Variants in AASDH observed in about 807,000 individuals in gnomAD.
AASDH encodes beta-alanine-activating enzyme.
AASDH carries 81 observed loss-of-function variants against 102.3 expected under a neutral mutation model. The observed-to-expected ratio is 0.79, with a 90% confidence interval of 0.66 to 0.95. The LOEUF (loss-of-function observed/expected upper bound fraction) is 0.95. AASDH is among the 40% of genes least tolerant of loss of function. The pLI, the probability that AASDH is intolerant of heterozygous loss-of-function variation, is 0.00. For synonymous variants in AASDH, 398 were observed against 454.0 expected, an observed-to-expected ratio of 0.88 and a Z score of 1.57; for missense variants, 1,203 against 1,266.2, an observed-to-expected ratio of 0.95 and a Z score of 0.76.
At chr4:56,382,411 G>T in intron 3 of AASDH, 66 bp downstream of exon 3, 1 of 1,416,062 alleles carries the variant, frequency 7.1e-7, no homozygotes, top group East Asian at 2.5e-5. Flanking sequence ...GATGGGAGAA[G>T]GAAGGAATGT....
intron 4 of AASDH, among the ~76,000 whole-genome samples, chr4:56,375,626 C>G (rs1251842836): frequency 6.6e-6 from 1 of 152,174 alleles, no homozygotes; most frequent in Admixed American, 6.5e-5. Flanking sequence ...ATTCTTACCA[C>G]TGCTGGGCCA....
intron 4 of AASDH, among the ~76,000 whole-genome samples, chr4:56,376,873 C>T (rs1361921420): frequency 1.3e-5 from 2 of 151,526 alleles, no homozygotes; most frequent in African/African-American, 4.8e-5. Flanking sequence ...CGAGACCATC[C>T]CGGCTAAAAC....
rs879167447 is a variant in AASDH, at chr4:56,351,403, T to G, written c.1631A>C (p.Lys544Thr). ...NKIYLNYINL[K>T]SENKLSGKED... ...TTTCCCACTGAGCTTATTCTCAGAC[T>G]TCAAGTTTATGTAGTTTAAATATAT... The change falls in exon 10 of 15, where the codon AAG becomes ACG. Residue 544 changes from lysine to threonine, a missense_variant. By Grantham distance (78) the Lys-to-Thr change is moderately conservative. Transcript: ENST00000205214. The G allele has an allele frequency of 4.4e-6, 7 of 1,606,050 alleles. No homozygotes were observed. Among genetic ancestry groups the G allele is most frequent in the Non-Finnish European group, 6.0e-6 (7 of 1,174,522 alleles).
rs763902641 is a variant in AASDH at position 56,384,278 on chromosome 4, G to C, written c.22C>G (p.His8Asp). Residue 8 changes from histidine to aspartate, a missense_variant, in exon 2 of 15, where the codon CAT (histidine) becomes GAT (aspartate). By Grantham distance (81) the His-to-Asp change is moderately conservative. Transcript: ENST00000205214. ...TCCATATAACAGGAGGCAGCCTTAT[G>C]CACCAATTCCTGAAGAGTCATTTCA... MTLQELV[H>D]KAASCYMDRV... is the part of the protein sequence containing the mutation. The C allele has an allele frequency of 1.9e-6, 3 of 1,614,034 alleles. No individual in the cohort carries two copies. The highest frequency in any genetic ancestry group is 2.5e-6 in the Non-Finnish European group (3 of 1,179,996).
At chr4:56,381,493 G>A (rs895868003) in intron 3 of AASDH, among the ~76,000 whole-genome samples, 4 of 151,706 alleles carry the variant, frequency 2.6e-5, no homozygotes, top group Non-Finnish European at 4.4e-5. Context: ...CACAAGAACC[G>A]CTTGAACCTG....
In AASDH at chr4:56,349,661, GT is replaced by G; in HGVS notation, c.2089del (p.Thr697GlnfsTer3). ...GGCTGAAGAGCAATGTCCTAACTTT[GT>G]TAAAAACCTAGTGGAATTCAGAGAC... Reference protein sequence around the residue: ...ILSLNSTRFLTKLGHCSSACP... With the variant: ...ILSLNSTRFLXKLGHCSSACP... On this transcript the variant is annotated frameshift_variant, in exon 11 of 15. Coordinates refer to ENST00000205214, the MANE Select transcript of AASDH (RefSeq NM_181806.4). LOFTEE classifies it high-confidence loss of function. The G allele has an allele frequency of 6.2e-7, 1 of 1,614,158 alleles. No homozygotes were observed. Among genetic ancestry groups the G allele is most frequent in the Non-Finnish European group, 8.5e-7 (1 of 1,180,022 alleles).
At chr4:56,344,264 A>T (rs1320766947) in intron 12 of AASDH, among the ~76,000 whole-genome samples, 1 of 152,168 alleles carries the variant, frequency 6.6e-6, no homozygotes, top group African/African-American at 2.4e-5. Context: ...AATCGTTTTC[A>T]TTAGAGGCCT....
At position 56,349,487 on chromosome 4, in the gene AASDH, A is replaced by C; in HGVS notation, c.2264T>G (p.Leu755Ter). Residue 755 changes from leucine (L) to a stop codon, truncating the protein, a stop_gained, in exon 11 of 15, where the codon TTA becomes TGA. Transcript: ENST00000205214. LOFTEE classifies it high-confidence loss of function. ...KPAIGTQKME[L>*]HVRWRSDTGK... ...TGTGTCTGACCTCCACCTCACATGT[A>C]ACTCCATTTTCTGAGTCCCTATCGC... 1 of 1,614,198 alleles carries C rather than the reference A, an allele frequency of 6.2e-7. No individual in the cohort carries two copies.
At chr4:56,377,212 C>T (rs984182206) in intron 4 of AASDH, among the ~76,000 whole-genome samples, 2 of 151,870 alleles carry the variant, frequency 1.3e-5, no homozygotes, top group Admixed American at 6.6e-5. Flanking sequence ...CATAAAATTA[C>T]GTACATGTTT....
intron 5 of AASDH, chr4:56,356,529 C>G: frequency 3.2e-6 from 3 of 932,792 alleles, no homozygotes; most frequent in Non-Finnish European, 5.2e-6. Flanking sequence ...CAGTAAGAGA[C>G]CACCTGTCCT....
intron 11 of AASDH, among the ~76,000 whole-genome samples, chr4:56,348,544 C>T (rs946248954): frequency 2.0e-5 from 3 of 152,050 alleles, no homozygotes; most frequent in Non-Finnish European, 2.9e-5. Flanking sequence ...TGTGAGCCAC[C>T]GCGCCTGGCT....
intron 6 of AASDH, 82 bp from the exon 7 acceptor site, chr4:56,354,893 C>A: frequency 5.2e-6 from 6 of 1,162,830 alleles, no homozygotes; most frequent in South Asian, 1.7e-5. Context: ...CATACTGTAC[C>A]AAATAAAGAA....
At chr4:56,344,707 A>T (rs181296584) in intron 12 of AASDH, among the ~76,000 whole-genome samples, 166 of 152,186 alleles carry the variant, frequency 1.1e-3, no homozygotes, top group Non-Finnish European at 1.8e-3. Flanking sequence ...CTTTAATTCC[A>T]AAACTCTGAG....
chr4:56,361,586 C>T (rs973915150), intron 5 of AASDH, among the ~76,000 whole-genome samples: 7 of 152,106 alleles, frequency 4.6e-5, no homozygotes, highest in South Asian at 2.1e-4. Context: ...AAATTTCTTC[C>T]GAGTTTTTTA....
At chr4:56,350,785 T>C (rs113258765) in intron 10 of AASDH, among the ~76,000 whole-genome samples, 9 of 152,270 alleles carry the variant, frequency 5.9e-5, no homozygotes, top group Middle Eastern at 3.4e-3. Context: ...GAGACTTTTA[T>C]CTTAGATACC....
intron 5 of AASDH, among the ~76,000 whole-genome samples, chr4:56,362,170 T>C (rs527367445): frequency 6.6e-6 from 1 of 152,344 alleles, no homozygotes; most frequent in South Asian, 2.1e-4. Flanking sequence ...CATTTCACTT[T>C]GGAGGCCTTT....
At chr4:56,340,342 A>G (rs1747510494) in intron 14 of AASDH, among the ~76,000 whole-genome samples, 3 of 152,220 alleles carry the variant, frequency 2.0e-5, no homozygotes, top group Admixed American at 1.3e-4. Flanking sequence ...TCAATGTAAT[A>G]GAATGGAGAA....
chr4:56,379,901 TAGG>T (rs1377109919), intron 3 of AASDH, among the ~76,000 whole-genome samples: 6 of 152,098 alleles, frequency 3.9e-5, no homozygotes, highest in Non-Finnish European at 8.8e-5. Flanking sequence ...GCGTTGTTGA[TAGG>T]AGATGAGATG....
chr4:56,379,387 C>A (rs1327098497), intron 3 of AASDH, among the ~76,000 whole-genome samples: 2 of 152,190 alleles, frequency 1.3e-5, no homozygotes, highest in East Asian at 3.9e-4. Context: ...CTGCCTCAGT[C>A]TCCTAAAGTG....
Sources: allele counts gnomAD v4.1 joint callset (sites outside exome capture counted in the v4.1 genomes callset), GRCh38; gene constraint gnomAD v4.1.1; transcripts MANE v1.5; gene names NCBI Gene and HGNC (gene_info 2026-07-23, HGNC 2026-07-21).